Variants in PIK3CG observed in about 807,000 individuals in gnomAD.
The protein encoded by PIK3CG is phosphatidylinositol 4,5-bisphosphate 3-kinase catalytic subunit gamma isoform.
In PIK3CG, 55 loss-of-function variants were observed where a neutral mutation model predicts 102.3. The observed-to-expected ratio is 0.54, with a 90% confidence interval of 0.43 to 0.67. The LOEUF (loss-of-function observed/expected upper bound fraction) is 0.67, where lower values mean the gene tolerates loss of function less well. Among genes scored for constraint, PIK3CG ranks in the 30% least tolerant of loss-of-function variants. The pLI, the probability that PIK3CG is intolerant of heterozygous loss-of-function variation, is 0.00. For synonymous variants in PIK3CG, 552 were observed against 540.0 expected (o/e 1.02, Z -0.31); for missense variants, 1,258 against 1,391.8 (o/e 0.90, Z 1.53).
Position 106,868,662 on chromosome 7 carries a change from C to G in PIK3CG, c.1101C>G (p.Gly367=), listed in dbSNP as rs2116446476. The G allele has an allele frequency of 6.2e-7, 1 of 1,614,222 alleles. No homozygotes were observed. ...GCAAGTTCAGGGTCAAGATCAGAGG[C>G]ATTGATATCCCCGTCCTGCCTCGGA... is the stretch of plus-strand genomic sequence containing the variant. ...CDRKFRVKIR[G]IDIPVLPRNT... is the part of the protein sequence containing the mutation. The change falls in exon 2 of 11, where the codon GGC becomes GGG. Residue 367 remains glycine, a synonymous_variant. Coordinates refer to ENST00000496166, the MANE Select transcript of PIK3CG (RefSeq NM_001282426.2). This position sits in a 1 kb window ranked among gnomAD's most constrained non-coding sequence, Gnocchi z 6.2.
Position 106,868,275 on chromosome 7 carries a change from C to T in PIK3CG, c.714C>T (p.Asp238=), listed in dbSNP as rs778266273. ...TTSQTIKVSP[D]DTPGAILQSF... ...GCCAGACCATTAAGGTCTCACCCGA[C>T]GACACCCCCGGCGCCATCCTGCAGA... Residue 238 remains aspartate (D), a synonymous_variant, in exon 2 of 11, where the codon GAC becomes GAT. Coordinates refer to ENST00000496166, the MANE Select transcript of PIK3CG (RefSeq NM_001282426.2). The surrounding 1 kb of genome is among the most constrained non-coding windows in gnomAD (Gnocchi z 6.2). 10 of 1,613,946 alleles carry T rather than the reference C, an allele frequency of 6.2e-6. No homozygotes were observed. The highest frequency in any genetic ancestry group is 2.2e-5 in the East Asian group (1 of 44,878).
chr7:106,901,868 C>T (rs1476619656), intron 10 of PIK3CG, among the ~76,000 whole-genome samples: 2 of 152,148 alleles, frequency 1.3e-5, no homozygotes, highest in African/African-American at 2.4e-5. Flanking sequence ...TATGATCCAG[C>T]AGGTGGCACT....
At chr7:106,901,383 T>C (rs1562802731) in intron 10 of PIK3CG, among the ~76,000 whole-genome samples, 2 of 152,244 alleles carry the variant, frequency 1.3e-5, no homozygotes, top group Non-Finnish European at 2.9e-5. Context: ...GTGAAATTCT[T>C]ATATTGTGTT....
chr7:106,883,633 G>A lies in PIK3CG; in HGVS notation c.2760+470G>A, dbSNP rs979704247. On this transcript the variant is annotated intron_variant, in intron 8 of 10. Transcript: ENST00000496166. This position sits in a 1 kb window ranked among gnomAD's most constrained non-coding sequence, Gnocchi z 5.8. ...TCCACCATTCCTTGGAAGTGCATAT[G>A]CTCAATCCTTCACAAGCTGTGTTTT... Among the ~76,000 whole-genome samples, 6 of 152,198 alleles carry A rather than the reference G, an allele frequency of 3.9e-5. No homozygotes were observed. Among genetic ancestry groups the A allele is most frequent in the African/African-American group, 1.2e-4 (5 of 41,452 alleles).
intron 10 of PIK3CG, among the ~76,000 whole-genome samples, chr7:106,901,526 T>C (rs1414818429): frequency 6.6e-6 from 1 of 152,230 alleles, no homozygotes; most frequent in Non-Finnish European, 1.5e-5. Context: ...CAATGATCTT[T>C]GTTCCTGTCC....
chr7:106,907,410 C>A lies in PIK3CG; in HGVS notation c.*2023C>A, dbSNP rs1221182232. Among the ~76,000 whole-genome samples, 5 of 152,118 alleles carry A rather than the reference C, an allele frequency of 3.3e-5. No individual in the cohort carries two copies. The highest frequency in any genetic ancestry group is 1.2e-4 in the African/African-American group (5 of 41,440). On this transcript the variant is annotated 3_prime_UTR_variant, in exon 11 of 11. Transcript: ENST00000496166. ...CTACCCACCTGTACAGAAGACCATG[C>A]CCTATAATGAAATGTTTATTCCTAT...
In PIK3CG at chr7:106,886,304, C is replaced by G. The variant is rs753676669; in HGVS notation, c.3030+12C>G. 1 of 1,613,484 alleles carries G rather than the reference C, an allele frequency of 6.2e-7. No homozygotes were observed. The highest frequency in any genetic ancestry group is 8.5e-7 in the Non-Finnish European group (1 of 1,179,524). Reference sequence around the variant, plus strand: ...TCCAGAAATTTCAGGTAAGTCACCTCCTTCATCGCCTGCTGAGAATAGCAC... The same window carrying G: ...TCCAGAAATTTCAGGTAAGTCACCTGCTTCATCGCCTGCTGAGAATAGCAC... On this transcript the variant is annotated intron_variant, in intron 10 of 10. Coordinates refer to ENST00000496166, the MANE Select transcript of PIK3CG (RefSeq NM_001282426.2).
At position 106,902,586 on chromosome 7, in the gene PIK3CG, CATTTT is replaced by C. The variant is rs1265937372; in HGVS notation, c.3031-2521_3031-2517del. Among the ~76,000 whole-genome samples, 1 of 149,680 alleles carries C rather than the reference CATTTT, an allele frequency of 6.7e-6. No individual in the cohort carries two copies. Among genetic ancestry groups the C allele is most frequent in the African/African-American group, 2.4e-5 (1 of 40,876 alleles). The stretch of plus-strand genomic sequence containing the variant: ...CAGTTTTTAGGTAAATTTTCCATCT[CATTTT>C]AAGTTACTTTTTTTAATATTAATGA... On this transcript the variant is annotated intron_variant, in intron 10 of 10. Transcript: ENST00000496166. This position sits in a 1 kb window ranked among gnomAD's most constrained non-coding sequence, Gnocchi z 4.3.
intron 4 of PIK3CG, among the ~76,000 whole-genome samples, chr7:106,873,636 G>A (rs1160503724): frequency 2.6e-5 from 4 of 151,998 alleles, no homozygotes; most frequent in Admixed American, 2.6e-4. Flanking sequence ...TTTATATCAG[G>A]GGCTTGAGCA....
Position 106,902,570 on chromosome 7 carries a change from G to A in PIK3CG, c.3031-2539G>A, listed in dbSNP as rs757226994. ...TAAAAAAAAAAAAGTCCAGTTTTTAGGTAAATTTTCCATCTCATTTTAAGT... is the reference window on the plus strand; with the variant it reads ...TAAAAAAAAAAAAGTCCAGTTTTTAAGTAAATTTTCCATCTCATTTTAAGT... On this transcript the variant is annotated intron_variant, in intron 10 of 10. Transcript: ENST00000496166. The surrounding 1 kb of genome is among the most constrained non-coding windows in gnomAD (Gnocchi z 4.3). 4.0e-5 allele frequency among the ~76,000 whole-genome samples: 6 copies of A among 150,946 alleles called. No individual in the cohort carries two copies. The highest frequency in any genetic ancestry group is 8.8e-5 in the Non-Finnish European group (6 of 67,816).
At chr7:106,904,586 C>T (rs1007875782) in intron 10 of PIK3CG, among the ~76,000 whole-genome samples, 2 of 152,188 alleles carry the variant, frequency 1.3e-5, no homozygotes, top group Non-Finnish European at 2.9e-5. Context: ...TTTCAAAGTT[C>T]ATTTAACAAT....
rs2116537135 is a variant in PIK3CG at position 106,882,129 on chromosome 7, A to G, written c.2551A>G (p.Met851Val). The G allele has an allele frequency of 6.6e-7, 1 of 1,508,990 alleles. No individual in the cohort carries two copies. The highest frequency in any genetic ancestry group is 8.9e-7 in the Non-Finnish European group (1 of 1,122,716). The allele number at this position is 1,508,990 out of a possible 1,614,324, so 93.5% of individuals were successfully genotyped here. A position where few individuals can be genotyped will look rare whatever the true frequency, so the allele number is the denominator to read the frequency against. Residue 851 changes from methionine (M) to valine (V), a missense_variant, in exon 7 of 11, where the codon ATG (methionine) becomes GTG (valine). This residue lies in a region of PIK3CG where 426 missense variants were observed against 604.2 expected (regional missense o/e 0.71). Transcript: ENST00000496166. ...TTTCGATGCCCAGATTCTACGAATC[A>G]TGGAGTCTATTTGGGAGACTGAATC... ...DMLILQILRI[M>V]ESIWETESLD...
At chr7:106,882,627 ATTAGTT>A in intron 7 of PIK3CG, 2 of 177,752 alleles carry the variant, frequency 1.1e-5, no homozygotes, top group Non-Finnish European at 2.3e-5. Context: ...GACATTCAGC[ATTAGTT>A]TCAGTCAAAC....
rs2116546330 is a variant in PIK3CG, at chr7:106,883,171, C to G, written c.2760+8C>G. The G allele has an allele frequency of 6.2e-7, 1 of 1,614,002 alleles. No individual in the cohort carries two copies. Among genetic ancestry groups the G allele is most frequent in the Non-Finnish European group, 8.5e-7 (1 of 1,179,912 alleles). ...TCCCCTACTGAAGAAAAGGTGAGCT[C>G]ATGCTTTTTCCCAGTCTAATGGCTC... On this transcript the variant is annotated splice_region_variant and intron_variant, in intron 8 of 10. Coordinates refer to ENST00000496166, the MANE Select transcript of PIK3CG (RefSeq NM_001282426.2). This position sits in a 1 kb window ranked among gnomAD's most constrained non-coding sequence, Gnocchi z 5.8.
In PIK3CG at chr7:106,895,340, C is replaced by T. The variant is rs1791379911; in HGVS notation, c.3030+9048C>T. 6.6e-6 allele frequency among the ~76,000 whole-genome samples: 1 copy of T among 152,238 alleles called. No homozygotes were observed. Among genetic ancestry groups the T allele is most frequent in the African/African-American group, 2.4e-5 (1 of 41,464 alleles). ...GTTTTCCCCTGAGCTCCCCAGGCCACATCCTCATAGTCCCTGAAACCACAG... is the reference window on the plus strand; with the variant it reads ...GTTTTCCCCTGAGCTCCCCAGGCCATATCCTCATAGTCCCTGAAACCACAG... On this transcript the variant is annotated intron_variant, in intron 10 of 10. Coordinates refer to ENST00000496166, the MANE Select transcript of PIK3CG (RefSeq NM_001282426.2). This position sits in a 1 kb window ranked among gnomAD's most constrained non-coding sequence, Gnocchi z 5.4.
rs552123202 is a variant in PIK3CG at position 106,873,458 on chromosome 7, A to G, written c.2287+520A>G. 4.2e-4 allele frequency among the ~76,000 whole-genome samples: 64 copies of G among 152,336 alleles called. 1 individual carries two copies. In the South Asian group the frequency reaches 0.013, roughly 32 times the overall value. On this transcript the variant is annotated intron_variant, in intron 4 of 10. Transcript: ENST00000496166. Reference sequence around the variant, plus strand: ...AGAAAACATTTGGGAAAAAAATTGCATCTGCATTGAACATGTACAGACTTT... The same window carrying G: ...AGAAAACATTTGGGAAAAAAATTGCGTCTGCATTGAACATGTACAGACTTT...
rs1360833503 is a variant in PIK3CG, at chr7:106,894,986, GT to G, written c.3030+8696del. On this transcript the variant is annotated intron_variant, in intron 10 of 10. Coordinates refer to ENST00000496166, the MANE Select transcript of PIK3CG (RefSeq NM_001282426.2). This position sits in a 1 kb window ranked among gnomAD's most constrained non-coding sequence, Gnocchi z 4.4. ...TAGCTTTGTAAAAACAATTCTTTCT[GT>G]TAGTACTAGATGCTATAATTAAGGC... 5.3e-5 allele frequency among the ~76,000 whole-genome samples: 8 copies of G among 152,146 alleles called. No homozygotes were observed. The highest frequency in any genetic ancestry group is 1.9e-4 in the African/African-American group (8 of 41,420).
rs1790894267 is a variant in PIK3CG at position 106,880,329 on chromosome 7, T to C, written c.2538+664T>C. Among the ~76,000 whole-genome samples, 1 of 152,376 alleles carries C rather than the reference T, an allele frequency of 6.6e-6. No homozygotes were observed. Among genetic ancestry groups the C allele is most frequent in the Admixed American group, 6.5e-5 (1 of 15,302 alleles). ...AATACTTAATATGGTTTATTTGAAGTAGACAAATTACATTGATTTCAAGGT... is the reference window on the plus strand; with the variant it reads ...AATACTTAATATGGTTTATTTGAAGCAGACAAATTACATTGATTTCAAGGT... On this transcript the variant is annotated intron_variant, in intron 6 of 10. Transcript: ENST00000496166. The surrounding 1 kb of genome is among the most constrained non-coding windows in gnomAD (Gnocchi z 4.2).
rs755038422 is a variant in PIK3CG, at chr7:106,872,633, A to T, written c.2061+31A>T. 1 of 1,607,864 alleles carries T rather than the reference A, an allele frequency of 6.2e-7. No individual in the cohort carries two copies. The highest frequency in any genetic ancestry group is 2.2e-5 in the East Asian group (1 of 44,856). ...TACTTCCATTTTGATAATAGCGTGA[A>T]ATTTTAAGTTGCCAAGAATTAACTG... On this transcript the variant is annotated intron_variant, in intron 3 of 10. Coordinates refer to ENST00000496166, the MANE Select transcript of PIK3CG (RefSeq NM_001282426.2). This position sits in a 1 kb window ranked among gnomAD's most constrained non-coding sequence, Gnocchi z 5.3.
Sources: gnomAD v4.1 joint callset for allele counts (sites outside exome capture counted in the v4.1 genomes callset) on GRCh38, gnomAD v4.1.1 for gene constraint, gnomAD v4.1.1 regional missense constraint, Gnocchi (gnomAD v3.1) non-coding constraint, MANE v1.5 for transcripts, NCBI Gene and HGNC (gene_info 2026-07-23, HGNC 2026-07-21) for gene names.